CDH4: variants seen among roughly 807,000 people sequenced by gnomAD.
CDH4 encodes cadherin 4.
A neutral mutation model predicts 86.0 loss-of-function variants in CDH4; 33 were observed. The ratio of observed to expected loss-of-function variants is 0.38; its 90% confidence interval spans 0.29 to 0.51. The LOEUF (loss-of-function observed/expected upper bound fraction) is 0.51. Ranked by LOEUF, CDH4 falls within the 20% of genes least tolerant of loss-of-function variation. The probability of loss-of-function intolerance (pLI) is 0.86; values close to 1 mark genes in which losing one functional copy is unlikely to be tolerated. For synonymous variants in CDH4, 555 were observed against 549.4 expected, an observed-to-expected ratio of 1.01 and a Z score of -0.14; for missense variants, 1,114 against 1,307.4, an observed-to-expected ratio of 0.85 and a Z score of 2.28.
At chr20:61,704,331 G>A (rs1229782902) in intron 2 of CDH4, among the ~76,000 whole-genome samples, 1 of 152,148 alleles carries the variant, frequency 6.6e-6, no homozygotes, top group African/African-American at 2.4e-5. Context: ...GGCTTTTGCA[G>A]TGGAGAACCA....
intron 2 of CDH4, among the ~76,000 whole-genome samples, chr20:61,671,102 A>T (rs1434319561): frequency 6.6e-6 from 1 of 151,188 alleles, no homozygotes; most frequent in Non-Finnish European, 1.5e-5. Flanking sequence ...AGATGGGTGG[A>T]TGGATGATGA....
chr20:61,538,359 G>A (rs540983684), intron 2 of CDH4, among the ~76,000 whole-genome samples: 5 of 152,232 alleles, frequency 3.3e-5, no homozygotes, highest in Middle Eastern at 3.4e-3. Flanking sequence ...GGTAGGAGAG[G>A]AATCGCATCA....
intron 2 of CDH4, among the ~76,000 whole-genome samples, chr20:61,645,286 C>A (rs1453321570): frequency 6.6e-6 from 1 of 152,096 alleles, no homozygotes; most frequent in Non-Finnish European, 1.5e-5. Flanking sequence ...TGCTATGTTA[C>A]CTAGGGCCTG....
chr20:61,472,194 C>A (rs895259964), intron 2 of CDH4, among the ~76,000 whole-genome samples: 5 of 152,068 alleles, frequency 3.3e-5, no homozygotes, highest in African/African-American at 4.8e-5. Context: ...CCTTGTTGGG[C>A]GCATATGTAT....
chr20:61,778,003 A>G (rs956760432), intron 4 of CDH4, among the ~76,000 whole-genome samples: 5 of 152,222 alleles, frequency 3.3e-5, no homozygotes, highest in African/African-American at 1.2e-4. Flanking sequence ...CGTGCACACT[A>G]TACACACATG....
chr20:61,276,649 G>A (rs1459119202), intron 2 of CDH4, among the ~76,000 whole-genome samples: 1 of 152,176 alleles, frequency 6.6e-6, no homozygotes, highest in Non-Finnish European at 1.5e-5. Flanking sequence ...TTCTCTTGTG[G>A]CCAAGTCAGC....
intron 2 of CDH4, among the ~76,000 whole-genome samples, chr20:61,607,136 A>G (rs1416757286): frequency 1.3e-5 from 2 of 152,206 alleles, no homozygotes; most frequent in South Asian, 4.1e-4. Flanking sequence ...CCAGGCACCA[A>G]CCTGAATATA....
chr20:61,886,464 T>TA (rs1159474057), intron 7 of CDH4, among the ~76,000 whole-genome samples: 1 of 152,242 alleles, frequency 6.6e-6, no homozygotes, highest in East Asian at 1.9e-4. Flanking sequence ...AATCACTTTT[T>TA]AATGAATTCT....
intron 2 of CDH4, among the ~76,000 whole-genome samples, chr20:61,434,273 A>G (rs2085267700): frequency 6.6e-6 from 1 of 152,082 alleles, no homozygotes; most frequent in Admixed American, 6.6e-5. Flanking sequence ...ACTTTGCATA[A>G]TCGAATTTAG....
intron 4 of CDH4, among the ~76,000 whole-genome samples, chr20:61,827,648 A>G (rs1035753715): frequency 1.3e-5 from 2 of 152,258 alleles, no homozygotes; most frequent in Non-Finnish European, 2.9e-5. Flanking sequence ...CTGAACACCC[A>G]AGCCCCTAGG....
intron 13 of CDH4, among the ~76,000 whole-genome samples, chr20:61,932,704 C>T (rs751351139): frequency 5.3e-5 from 8 of 152,146 alleles, no homozygotes; most frequent in Non-Finnish European, 8.8e-5. Context: ...ACGACTCCTG[C>T]GGATACACGT....
chr20:61,694,383 T>C (rs534487442), intron 2 of CDH4, among the ~76,000 whole-genome samples: 1 of 152,264 alleles, frequency 6.6e-6, no homozygotes, highest in South Asian at 2.1e-4. Context: ...TTCCCAGGCT[T>C]GAGGCGGAGG....
At chr20:61,800,466 G>C (rs1156615797) in intron 4 of CDH4, among the ~76,000 whole-genome samples, 1 of 152,230 alleles carries the variant, frequency 6.6e-6, no homozygotes, top group East Asian at 1.9e-4. Context: ...CTCCACGGGG[G>C]ATGGTGCTTC....
intron 4 of CDH4, among the ~76,000 whole-genome samples, chr20:61,823,186 T>C (rs114817200): frequency 1.5e-3 from 220 of 146,048 alleles, no homozygotes; most frequent in African/African-American, 5.3e-3. Context: ...GCAGTCTGCT[T>C]TACCCAGAGT....
At chr20:61,664,790 G>A (rs1555821860) in intron 2 of CDH4, among the ~76,000 whole-genome samples, 2 of 152,236 alleles carry the variant, frequency 1.3e-5, no homozygotes, top group Non-Finnish European at 2.9e-5. Flanking sequence ...TCTGCCTGCT[G>A]AGAAATCAGC....
intron 2 of CDH4, among the ~76,000 whole-genome samples, chr20:61,534,982 C>T (rs2085985960): frequency 6.6e-6 from 1 of 152,174 alleles, no homozygotes; most frequent in Admixed American, 6.5e-5. Flanking sequence ...CAGAAGCCAG[C>T]CCTGCTCACT....
rs142900721 is a variant in CDH4, at chr20:61,923,643, G to A, written c.1567G>A (p.Gly523Ser). 744 of 1,614,034 alleles carry A rather than the reference G, an allele frequency of 4.6e-4. 1 individual carries two copies. The highest frequency in any genetic ancestry group is 6.6e-4 in the Middle Eastern group (4 of 6,062). ...CCGCCTGGAGGAGGGCGTGCCCCCC[G>A]GCACCGTGCTGACCACGTTTTCAGC... is the stretch of plus-strand genomic sequence containing the variant. ...LIRLEEGVPP[G>S]TVLTTFSAVD... Residue 523 changes from glycine (G) to serine (S), a missense_variant, in exon 10 of 16, where the codon GGC (glycine) becomes AGC (serine). Physicochemically the swap from Gly to Ser is moderately conservative, Grantham distance 56. Transcript: ENST00000614565.
At chr20:61,352,286 T>C (rs1766120778) in intron 2 of CDH4, among the ~76,000 whole-genome samples, 1 of 152,208 alleles carries the variant, frequency 6.6e-6, no homozygotes, top group Non-Finnish European at 1.5e-5. Context: ...TTAATATATA[T>C]TGAAATACAT....
At chr20:61,841,629 G>A (rs904331374) in intron 4 of CDH4, among the ~76,000 whole-genome samples, 30 of 152,188 alleles carry the variant, frequency 2.0e-4, no homozygotes, top group Admixed American at 2.6e-4. Context: ...GTTCTGCTTG[G>A]TGTGTGCGGC....
Sources: gnomAD v4.1 joint callset for allele counts (sites outside exome capture counted in the v4.1 genomes callset) on GRCh38, gnomAD v4.1.1 for gene constraint, MANE v1.5 for transcripts, NCBI Gene and HGNC (gene_info 2026-07-23, HGNC 2026-07-21) for gene names.